Variants in RIPK1 observed in about 807,000 individuals in gnomAD.
The protein encoded by RIPK1 is receptor-interacting serine/threonine-protein kinase 1.
In RIPK1, 27 loss-of-function variants were observed where a neutral mutation model predicts 62.4. That is an observed-to-expected ratio of 0.43 (90% CI 0.32 to 0.60). The LOEUF (loss-of-function observed/expected upper bound fraction) is 0.60. Ranked by LOEUF, RIPK1 falls within the 20% of genes least tolerant of loss-of-function variation. The pLI is 0.07. For missense variants in RIPK1, 735 were observed against 831.0 expected, an observed-to-expected ratio of 0.88 and a Z score of 1.42; for synonymous variants, 287 against 303.2, an observed-to-expected ratio of 0.95 and a Z score of 0.55.
rs530868191 is a variant in RIPK1 at position 3,105,615 on chromosome 6, C to T, written c.1140C>T (p.Asp380=). 6.2e-6 allele frequency: 10 copies of T among 1,613,894 alleles called. No homozygotes were observed. The highest frequency in any genetic ancestry group is 5.5e-5 in the South Asian group (5 of 91,060). ...CCAGCCTGCAGAGTAAACTCCAAGA[C>T]GAAGCCAACTACCATCTTTATGGCA... ...NEPSLQSKLQ[D]EANYHLYGSR... The change falls in exon 9 of 11, where the codon GAC becomes GAT. Residue 380 remains aspartate (D), a synonymous_variant. Coordinates refer to ENST00000259808, the MANE Select transcript of RIPK1 (RefSeq NM_001354930.2). The surrounding 1 kb of genome is among the most constrained non-coding windows in gnomAD (Gnocchi z 4.5).
intron 1 of RIPK1, among the ~76,000 whole-genome samples, chr6:3,071,669 A>C (rs1306585944): frequency 6.6e-6 from 1 of 152,218 alleles, no homozygotes; most frequent in Non-Finnish European, 1.5e-5. Context: ...AAACAAAAGA[A>C]ATCACTGAAC....
At chr6:3,095,035 G>T (rs889426490) in intron 7 of RIPK1, among the ~76,000 whole-genome samples, 46 of 152,086 alleles carry the variant, frequency 3.0e-4, no homozygotes, top group Non-Finnish European at 4.1e-4. Context: ...TCCAACCTGG[G>T]CAACAGAGTG....
Position 3,113,436 on chromosome 6 carries a change from G to C in RIPK1, c.*97G>C. ...GAGCATTCAGAATTCTGTCCTCACT[G>C]ATAGGGGTTCTGTGTCTGCAGAAAT... On this transcript the variant is annotated 3_prime_UTR_variant, in exon 11 of 11. Coordinates refer to ENST00000259808, the MANE Select transcript of RIPK1 (RefSeq NM_001354930.2). The surrounding 1 kb of genome is among the most constrained non-coding windows in gnomAD (Gnocchi z 5.0). The C allele has an allele frequency of 8.5e-7, 1 of 1,176,700 alleles. No individual in the cohort carries two copies. The highest frequency in any genetic ancestry group is 1.2e-6 in the Non-Finnish European group (1 of 842,578). The allele number at this position is 1,176,700 out of a possible 1,614,324, so 72.9% of individuals were successfully genotyped here.
rs760208503 is a variant in RIPK1, at chr6:3,076,940, G to A, written c.117G>A (p.Gln39=). Residue 39 remains glutamine (Q), a synonymous_variant, in exon 2 of 11, where the codon CAG becomes CAA. Transcript: ENST00000259808. Reference sequence around the variant, plus strand: ...TGTCTCTGTGTTTCCACAGAACCCAGGGACTCATGATCATGAAAACAGTGT... The same window carrying A: ...TGTCTCTGTGTTTCCACAGAACCCAAGGACTCATGATCATGAAAACAGTGT... ...GKVSLCFHRT[Q]GLMIMKTVYK... is the part of the protein sequence containing the mutation. 15 of 1,612,490 alleles carry A rather than the reference G, an allele frequency of 9.3e-6. No individual in the cohort carries two copies. Among genetic ancestry groups the A allele is most frequent in the Non-Finnish European group, 1.1e-5 (13 of 1,179,362 alleles).
At position 3,072,907 on chromosome 6, in the gene RIPK1, G is replaced by C. The variant is rs1052698751; in HGVS notation, c.-60-3857G>C. Among the ~76,000 whole-genome samples the C allele has an allele frequency of 6.6e-6, 1 of 152,064 alleles. No individual in the cohort carries two copies. The highest frequency in any genetic ancestry group is 1.5e-5 in the Non-Finnish European group (1 of 68,018). ...ATCAATGTTATCTTTTATGCCCTCT[G>C]TCTCCACCCGCTCCTACCTCATTCT... On this transcript the variant is annotated intron_variant, in intron 1 of 10. Coordinates refer to ENST00000259808, the MANE Select transcript of RIPK1 (RefSeq NM_001354930.2). This position sits in a 1 kb window ranked among gnomAD's most constrained non-coding sequence, Gnocchi z 5.6.
Position 3,105,575 on chromosome 6 carries a change from A to G in RIPK1, c.1100A>G (p.Gln367Arg), listed in dbSNP as rs777910498. 4.3e-6 allele frequency: 7 copies of G among 1,613,626 alleles called. No individual in the cohort carries two copies. The highest frequency in any genetic ancestry group is 5.9e-6 in the Non-Finnish European group (7 of 1,179,794). ...TTTGCTCCTTCCCTGGAGCACCCAC[A>G]AGAAGAGAATGAGCCCAGCCTGCAG... is the stretch of plus-strand genomic sequence containing the variant. ...SWFAPSLEHP[Q>R]EENEPSLQSK... is the part of the protein sequence containing the mutation. Residue 367 changes from glutamine (Q) to arginine (R), a missense_variant, in exon 9 of 11, where the codon CAA (glutamine) becomes CGA (arginine). Physicochemically the swap from Gln to Arg is conservative, Grantham distance 43. Transcript: ENST00000259808. This position sits in a 1 kb window ranked among gnomAD's most constrained non-coding sequence, Gnocchi z 4.5.
At chr6:3,089,262 C>T (rs567994303) in intron 6 of RIPK1, among the ~76,000 whole-genome samples, 9 of 152,280 alleles carry the variant, frequency 5.9e-5, no homozygotes, top group East Asian at 3.9e-4. Context: ...ACATGGAGTT[C>T]GCCCATCCCT....
intron 9 of RIPK1, among the ~76,000 whole-genome samples, chr6:3,110,101 A>G (rs1234833877): frequency 6.6e-6 from 1 of 152,118 alleles, no homozygotes; most frequent in Non-Finnish European, 1.5e-5. Flanking sequence ...GTGGGTAGAA[A>G]TATTTCTTCA....
At chr6:3,094,361 A>C (rs1760171176) in intron 7 of RIPK1, among the ~76,000 whole-genome samples, 2 of 152,192 alleles carry the variant, frequency 1.3e-5, no homozygotes, top group Admixed American at 1.3e-4. Context: ...AGTATATTTC[A>C]ATTATGTTCA....
chr6:3,080,853 C>T (rs1284064411), intron 3 of RIPK1, 126 bp from the exon 4 acceptor site: 3 of 701,182 alleles, frequency 4.3e-6, no homozygotes, highest in Non-Finnish European at 6.9e-6. Context: ...TACTGTGGTG[C>T]ACCTGCTGGA....
intron 4 of RIPK1, 119 bp from the exon 5 acceptor site, chr6:3,082,966 A>G (rs1267412937): frequency 1.1e-6 from 1 of 921,396 alleles, no homozygotes; most frequent in African/African-American, 1.6e-5. Flanking sequence ...GCCCAGTGCA[A>G]CCATTTCTGG....
At chr6:3,070,691 A>G (rs1412521282) in intron 1 of RIPK1, among the ~76,000 whole-genome samples, 4 of 152,194 alleles carry the variant, frequency 2.6e-5, no homozygotes, top group Non-Finnish European at 5.9e-5. Flanking sequence ...TTGGCCTCCC[A>G]AAGTGCTGGG....
intron 7 of RIPK1, among the ~76,000 whole-genome samples, chr6:3,101,379 C>A (rs954947592): frequency 6.6e-6 from 1 of 152,210 alleles, no homozygotes; most frequent in Non-Finnish European, 1.5e-5. Context: ...TGCTTGAGCC[C>A]AGGAGTTGGA....
At chr6:3,102,376 CAAAT>C (rs764453324) in intron 7 of RIPK1, among the ~76,000 whole-genome samples, 1 of 152,234 alleles carries the variant, frequency 6.6e-6, no homozygotes, top group East Asian at 1.9e-4. Flanking sequence ...ATATGAAACA[CAAAT>C]AAACTTCATG....
chr6:3,111,475 A>T (rs557477471), intron 10 of RIPK1, among the ~76,000 whole-genome samples: 1 of 151,978 alleles, frequency 6.6e-6, no homozygotes, highest in South Asian at 2.1e-4. Context: ...CGACTTGATT[A>T]AGAACTCAGC....
chr6:3,066,704 CAT>C (rs775217242), upstream of RIPK1, among the ~76,000 whole-genome samples: 7 of 152,284 alleles, frequency 4.6e-5, no homozygotes, highest in East Asian at 1.2e-3. Flanking sequence ...GATAAACCAA[CAT>C]AGATTCATGG....
intron 2 of RIPK1, 143 bp downstream of exon 2, chr6:3,077,130 C>T (rs904616915): frequency 1.0e-5 from 7 of 686,180 alleles, no homozygotes; most frequent in South Asian, 4.8e-5. Flanking sequence ...GATGGCTCTT[C>T]GGATTGTTAT....
Position 3,086,095 on chromosome 6 carries a change from G to A in RIPK1, c.838+687G>A, listed in dbSNP as rs571775648. On this transcript the variant is annotated intron_variant, in intron 6 of 10. Transcript: ENST00000259808. ...TGGCATCTTTAGAAAGTATTTTGCC[G>A]TCTAGATTGGCCTTGTCATACAGGG... 5.3e-5 allele frequency among the ~76,000 whole-genome samples: 8 copies of A among 151,490 alleles called. No individual in the cohort carries two copies. In the South Asian group the frequency reaches 6.3e-4, roughly 12 times the overall value.
At chr6:3,099,171 T>C (rs546827242) in intron 7 of RIPK1, among the ~76,000 whole-genome samples, 82 of 152,156 alleles carry the variant, frequency 5.4e-4, no homozygotes, top group Non-Finnish European at 9.0e-4. Flanking sequence ...TTCATGAAAA[T>C]GGAAAGGTAG....
Sources: gnomAD v4.1 joint callset for allele counts (sites outside exome capture counted in the v4.1 genomes callset) on GRCh38, gnomAD v4.1.1 for gene constraint, Gnocchi (gnomAD v3.1) non-coding constraint, MANE v1.5 for transcripts, NCBI Gene and HGNC (gene_info 2026-07-23, HGNC 2026-07-21) for gene names.